The following KCNK5 variants were observed in gnomAD, a reference collection of about 807,000 sequenced individuals.
KCNK5 encodes the protein potassium channel subfamily K member 5.
A neutral mutation model predicts 32.9 loss-of-function variants in KCNK5; 18 were observed. That is an observed-to-expected ratio of 0.55 (90% CI 0.38 to 0.81). The LOEUF (loss-of-function observed/expected upper bound fraction) is 0.81, where lower values mean the gene tolerates loss of function less well. Among genes scored for constraint, KCNK5 ranks in the 30% least tolerant of loss-of-function variants. The pLI is 0.00. For missense variants in KCNK5, 507 were observed against 651.0 expected, an observed-to-expected ratio of 0.78 and a Z score of 2.41; for synonymous variants, 276 against 275.3, an observed-to-expected ratio of 1.00 and a Z score of -0.03.
chr6:39,227,503 C>T (rs962113909), intron 1 of KCNK5, among the ~76,000 whole-genome samples: 17 of 152,108 alleles, frequency 1.1e-4, no homozygotes, highest in Non-Finnish European at 2.5e-4. Context: ...CCCACCATCA[C>T]CTCCCATCTG....
At chr6:39,196,132 T>C in intron 1 of KCNK5, 145 bp from the exon 2 acceptor site, 2 of 555,980 alleles carry the variant, frequency 3.6e-6, no homozygotes, top group Non-Finnish European at 6.3e-6. Context: ...AGATGAAACA[T>C]TGTATAGAGG....
At chr6:39,219,302 TAAC>T (rs1373109142) in intron 1 of KCNK5, among the ~76,000 whole-genome samples, 1 of 152,070 alleles carries the variant, frequency 6.6e-6, no homozygotes, top group South Asian at 2.1e-4. Context: ...GGGGAGAGGA[TAAC>T]AATAAGCTGG....
At chr6:39,206,164 T>C (rs1029435832) in intron 1 of KCNK5, among the ~76,000 whole-genome samples, 2 of 152,232 alleles carry the variant, frequency 1.3e-5, no homozygotes, top group South Asian at 2.1e-4. Context: ...GCAGAGCAGG[T>C]GAGGCCCTGT....
At chr6:39,217,966 A>C (rs2113795910) in intron 1 of KCNK5, among the ~76,000 whole-genome samples, 2 of 152,238 alleles carry the variant, frequency 1.3e-5, no homozygotes, top group Middle Eastern at 6.8e-3. Context: ...GATCACAGGA[A>C]CGGGTGTGTT....
At chr6:39,192,436 G>A (rs1770958183) in intron 4 of KCNK5, among the ~76,000 whole-genome samples, 1 of 152,086 alleles carries the variant, frequency 6.6e-6, no homozygotes, top group Admixed American at 6.5e-5. Flanking sequence ...ATCCCCAGCT[G>A]TTCTGCGTAT....
chr6:39,192,091 C>T (rs1206283313), intron 4 of KCNK5, among the ~76,000 whole-genome samples: 5 of 151,790 alleles, frequency 3.3e-5, no homozygotes, highest in Admixed American at 2.0e-4. Context: ...GTCAGGAGTT[C>T]GAAACCAGTC....
chr6:39,219,372 T>G (rs1771501591), intron 1 of KCNK5, among the ~76,000 whole-genome samples: 1 of 152,038 alleles, frequency 6.6e-6, no homozygotes, highest in Non-Finnish European at 1.5e-5. Context: ...AGGCATTTCC[T>G]CTTGCGAGGG....
At chr6:39,218,912 C>A (rs1478384883) in intron 1 of KCNK5, among the ~76,000 whole-genome samples, 1 of 152,178 alleles carries the variant, frequency 6.6e-6, no homozygotes, top group Admixed American at 6.5e-5. Flanking sequence ...TTTCTCCTGC[C>A]CCAGCTCGTC....
intron 1 of KCNK5, among the ~76,000 whole-genome samples, chr6:39,197,366 C>T (rs1771049351): frequency 6.6e-6 from 1 of 152,214 alleles, no homozygotes; most frequent in Admixed American, 6.5e-5. Flanking sequence ...TCCATGATGG[C>T]ACGCTTGTCT....
rs568697133 is a variant in KCNK5 at position 39,204,234 on chromosome 6, G to A, written c.187-8247C>T. Among the ~76,000 whole-genome samples, 113 of 152,346 alleles carry A rather than the reference G, an allele frequency of 7.4e-4. 2 individuals carry two copies. The South Asian group carries it at 0.022, about 29-fold the overall frequency. On this transcript the variant is annotated intron_variant, in intron 1 of 4. Coordinates refer to ENST00000359534, the MANE Select transcript of KCNK5 (RefSeq NM_003740.4). ...ATGGATCACATTTGAGAAGAAGGCA[G>A]GCAGGCCAAATCAATGGCTGGAGGC...
chr6:39,211,886 C>G (rs1419903087), intron 1 of KCNK5, among the ~76,000 whole-genome samples: 2 of 151,904 alleles, frequency 1.3e-5, no homozygotes, highest in Non-Finnish European at 2.9e-5. Flanking sequence ...ATCTCTTGAA[C>G]CCAGGAGACG....
chr6:39,225,986 A>G (rs1771664662), intron 1 of KCNK5, among the ~76,000 whole-genome samples: 1 of 152,248 alleles, frequency 6.6e-6, no homozygotes. Flanking sequence ...TTCACTTTTT[A>G]TAGACATCTT....
At chr6:39,227,783 G>A (rs1284406271) in intron 1 of KCNK5, among the ~76,000 whole-genome samples, 2 of 152,146 alleles carry the variant, frequency 1.3e-5, no homozygotes, top group African/African-American at 2.4e-5. Flanking sequence ...ATGGGGAAAC[G>A]GAGGCTGGAA....
In KCNK5 at chr6:39,190,677, C is replaced by A; in HGVS notation, c.*213G>T. 1 of 481,974 alleles carries A rather than the reference C, an allele frequency of 2.1e-6. No homozygotes were observed. The highest frequency in any genetic ancestry group is 3.2e-5 in the East Asian group (1 of 31,226). The allele number at this position is 481,974 out of a possible 1,614,324, so 29.9% of individuals were successfully genotyped here. On this transcript the variant is annotated 3_prime_UTR_variant, in exon 5 of 5. Transcript: ENST00000359534. The stretch of plus-strand genomic sequence containing the variant: ...CAGCCAAGCTCAGGACAGATGCCCC[C>A]ACAGCCAGGGTATGGTTCAGCTGGA...
At chr6:39,199,185 A>C (rs1395804016) in intron 1 of KCNK5, among the ~76,000 whole-genome samples, 2 of 152,206 alleles carry the variant, frequency 1.3e-5, no homozygotes, top group Non-Finnish European at 2.9e-5. Flanking sequence ...CACACCCACA[A>C]GGCCAAAAAT....
Position 39,191,417 on chromosome 6 carries a change from G to C in KCNK5, c.973C>G (p.Pro325Ala), listed in dbSNP as rs1300130526. ...CCACCGCCTTGAGGCCCCAGCCCTG[G>C]GCCCGGGCCCGTCTCCCCACCCCCG... Reference protein sequence around the residue: ...TSGGGETGPGPGLGPQGGGLP... With the variant: ...TSGGGETGPGAGLGPQGGGLP... Residue 325 changes from proline to alanine, a missense_variant, in exon 5 of 5, where the codon CCA becomes GCA. Around this residue, in one of 6 missense-constraint regions of KCNK5, gnomAD observed 252 missense variants for 250.8 expected, o/e 1.00. Transcript: ENST00000359534. This position sits in a 1 kb window ranked among gnomAD's most constrained non-coding sequence, Gnocchi z 5.8. 1 of 1,613,206 alleles carries C rather than the reference G, an allele frequency of 6.2e-7. No individual in the cohort carries two copies. Among genetic ancestry groups the C allele is most frequent in the Admixed American group, 1.7e-5 (1 of 60,018 alleles).
intron 1 of KCNK5, among the ~76,000 whole-genome samples, chr6:39,222,788 A>C (rs1028279164): frequency 6.6e-6 from 1 of 152,250 alleles, no homozygotes; most frequent in Admixed American, 6.5e-5. Context: ...TGTACAAAGC[A>C]AAAGAAATAC....
chr6:39,225,026 G>C (rs1275150252), intron 1 of KCNK5, among the ~76,000 whole-genome samples: 1 of 151,628 alleles, frequency 6.6e-6, no homozygotes, highest in Non-Finnish European at 1.5e-5. Context: ...TCTAATCCAA[G>C]ACCCCACTCT....
At chr6:39,201,425 A>G (rs1009872436) in intron 1 of KCNK5, among the ~76,000 whole-genome samples, 2 of 151,590 alleles carry the variant, frequency 1.3e-5, no homozygotes, top group African/African-American at 2.4e-5. Context: ...CTAATTTTGT[A>G]TTTTTAGTAG....
Sources: allele counts gnomAD v4.1 joint callset (sites outside exome capture counted in the v4.1 genomes callset), GRCh38; gene constraint gnomAD v4.1.1; regional missense constraint gnomAD v4.1.1; non-coding constraint Gnocchi (gnomAD v3.1); transcripts MANE v1.5; gene names NCBI Gene and HGNC (gene_info 2026-07-23, HGNC 2026-07-21).